GNA14: variants seen among roughly 807,000 people sequenced by gnomAD.
GNA14 encodes G protein subunit alpha 14.
In GNA14, 50 loss-of-function variants were observed where a neutral mutation model predicts 42.0. The observed-to-expected ratio is 1.19, with a 90% confidence interval of 0.95 to 1.51. GNA14 has a LOEUF of 1.51. Among genes scored for constraint, GNA14 ranks in the 40% most tolerant of loss-of-function variants. The probability of loss-of-function intolerance (pLI) is 0.00; values close to 1 mark genes in which losing one functional copy is unlikely to be tolerated. For missense variants in GNA14, 473 were observed against 446.2 expected (o/e 1.06, Z -0.54); for synonymous variants, 173 against 163.1 (o/e 1.06, Z -0.46).
At chr9:77,560,191 G>T (rs1432694071) in intron 1 of GNA14, among the ~76,000 whole-genome samples, 1 of 151,448 alleles carries the variant, frequency 6.6e-6, no homozygotes, top group African/African-American at 2.4e-5. Flanking sequence ...TATATTTAAG[G>T]AAAGTATATA....
intron 2 of GNA14, among the ~76,000 whole-genome samples, chr9:77,482,555 G>C (rs1836574649): frequency 6.6e-6 from 1 of 152,108 alleles, no homozygotes; most frequent in Non-Finnish European, 1.5e-5. Flanking sequence ...GTCTTGAAGA[G>C]TATCTTTGTG....
chr9:77,465,052 A>T (rs188701250), intron 2 of GNA14, among the ~76,000 whole-genome samples: 66 of 152,286 alleles, frequency 4.3e-4, no homozygotes, highest in African/African-American at 1.6e-3. Flanking sequence ...TGGAGGGAGG[A>T]TGGCTCTGCC....
At chr9:77,578,771 A>G (rs1156638948) in intron 1 of GNA14, among the ~76,000 whole-genome samples, 3 of 152,202 alleles carry the variant, frequency 2.0e-5, no homozygotes, top group Non-Finnish European at 4.4e-5. Flanking sequence ...TTTTGTCCCT[A>G]TGAAGAGGTA....
rs560660752 is a variant in GNA14, at chr9:77,521,511, G to C, written c.309+7558C>G. Among the ~76,000 whole-genome samples, 577 of 152,260 alleles carry C rather than the reference G, an allele frequency of 3.8e-3. 1 individual carries two copies. The highest frequency in any genetic ancestry group is 8.0e-3 in the African/African-American group (334 of 41,556). On this transcript the variant is annotated intron_variant, in intron 2 of 6. Coordinates refer to ENST00000341700, the MANE Select transcript of GNA14 (RefSeq NM_004297.4). The stretch of plus-strand genomic sequence containing the variant: ...TAACCATTTTCACTGAACTCTGACT[G>C]ATTTCTTCACAGGCATCCTTAAGAA...
Position 77,521,071 on chromosome 9 carries a change from A to G in GNA14, c.309+7998T>C, listed in dbSNP as rs181244071. On this transcript the variant is annotated intron_variant, in intron 2 of 6. Transcript: ENST00000341700. ...AAGCTCTGATTACAGCAGTTTTCAC[A>G]CTAAAGTAAACACTGATTAATCAGA... Among the ~76,000 whole-genome samples, 36 of 152,342 alleles carry G rather than the reference A, an allele frequency of 2.4e-4. No homozygotes were observed. The East Asian group carries it at 4.8e-3, about 20-fold the overall frequency.
chr9:77,622,519 A>G (rs1823942815), intron 1 of GNA14, among the ~76,000 whole-genome samples: 1 of 152,248 alleles, frequency 6.6e-6, no homozygotes, highest in African/African-American at 2.4e-5. Context: ...TTGTAATCCC[A>G]GCACTTTGGG....
At chr9:77,604,019 T>C (rs577912678) in intron 1 of GNA14, among the ~76,000 whole-genome samples, 22 of 148,534 alleles carry the variant, frequency 1.5e-4, no homozygotes, top group African/African-American at 5.0e-4. Flanking sequence ...CTATCACTCA[T>C]TGCAATTAAT....
intron 1 of GNA14, among the ~76,000 whole-genome samples, chr9:77,568,767 C>T (rs1564055762): frequency 6.6e-6 from 1 of 152,136 alleles, no homozygotes; most frequent in Non-Finnish European, 1.5e-5. Flanking sequence ...CTGGGTTAGT[C>T]CTGCTCATCA....
At chr9:77,565,491 T>A (rs1207982916) in intron 1 of GNA14, among the ~76,000 whole-genome samples, 5 of 152,230 alleles carry the variant, frequency 3.3e-5, no homozygotes, top group Non-Finnish European at 1.5e-5. Context: ...AGAGTCTCAC[T>A]CTGTTGCCCA....
chr9:77,646,281 CCTT>C (rs1824350339), intron 1 of GNA14, among the ~76,000 whole-genome samples: 1 of 152,230 alleles, frequency 6.6e-6, no homozygotes. Flanking sequence ...ATCAGGTCTG[CCTT>C]CTTTTCTAGG....
At chr9:77,458,870 C>T (rs1246757056) in intron 2 of GNA14, among the ~76,000 whole-genome samples, 3 of 147,044 alleles carry the variant, frequency 2.0e-5, no homozygotes, top group Non-Finnish European at 4.4e-5. Context: ...GTCCACCTCT[C>T]TGCAGAACCT....
rs551855593 is a variant in GNA14 at position 77,514,334 on chromosome 9, T to G, written c.309+14735A>C. On this transcript the variant is annotated intron_variant, in intron 2 of 6. Coordinates refer to ENST00000341700, the MANE Select transcript of GNA14 (RefSeq NM_004297.4). The stretch of plus-strand genomic sequence containing the variant: ...TTGTGGATACTACCACCTAGATGAA[T>G]CTCTCAGATACCTTTGGGTTCATAA... 2.6e-5 allele frequency among the ~76,000 whole-genome samples: 4 copies of G among 152,220 alleles called. No homozygotes were observed. The South Asian group carries it at 6.2e-4, about 24-fold the overall frequency.
rs140657939 is a variant in GNA14, at chr9:77,576,640, C to T, written c.125-47387G>A. Reference sequence around the variant, plus strand: ...TGTTTCCCACCTTTCCCTCCACATTCCTTACATCATTATCACAATTAAGTT... The same window carrying T: ...TGTTTCCCACCTTTCCCTCCACATTTCTTACATCATTATCACAATTAAGTT... On this transcript the variant is annotated intron_variant, in intron 1 of 6. Coordinates refer to ENST00000341700, the MANE Select transcript of GNA14 (RefSeq NM_004297.4). 1.5e-3 allele frequency among the ~76,000 whole-genome samples: 227 copies of T among 152,286 alleles called. 1 individual carries two copies. Among genetic ancestry groups the T allele is most frequent in the African/African-American group, 4.9e-3 (204 of 41,560 alleles).
At chr9:77,479,860 T>G (rs1836509982) in intron 2 of GNA14, among the ~76,000 whole-genome samples, 1 of 152,052 alleles carries the variant, frequency 6.6e-6, no homozygotes, top group Non-Finnish European at 1.5e-5. Flanking sequence ...TTGTCTGTTA[T>G]TGGTGTATAA....
At chr9:77,461,314 C>A (rs549938669) in intron 2 of GNA14, among the ~76,000 whole-genome samples, 1 of 152,194 alleles carries the variant, frequency 6.6e-6, no homozygotes, top group South Asian at 2.1e-4. Flanking sequence ...TCTGAAGCTG[C>A]GCCTTAGCAA....
At chr9:77,594,067 A>G (rs1203465560) in intron 1 of GNA14, among the ~76,000 whole-genome samples, 1 of 152,186 alleles carries the variant, frequency 6.6e-6, no homozygotes, top group Admixed American at 6.5e-5. Context: ...GATTCTCTGT[A>G]GCATAGGGGA....
At chr9:77,589,501 T>C (rs1823356923) in intron 1 of GNA14, among the ~76,000 whole-genome samples, 1 of 152,244 alleles carries the variant, frequency 6.6e-6, no homozygotes, top group Non-Finnish European at 1.5e-5. Flanking sequence ...ATATCACTTA[T>C]ATTTCATTCT....
At chr9:77,590,963 G>T (rs1823382275) in intron 1 of GNA14, among the ~76,000 whole-genome samples, 1 of 152,000 alleles carries the variant, frequency 6.6e-6, no homozygotes, top group Non-Finnish European at 1.5e-5. Flanking sequence ...GACCTCTTTT[G>T]GGGGGCAAAA....
chr9:77,561,986 CAAAA>C (rs1030241998), intron 1 of GNA14, among the ~76,000 whole-genome samples: 1 of 152,090 alleles, frequency 6.6e-6, no homozygotes, highest in East Asian at 1.9e-4. Flanking sequence ...GGATAAAGCC[CAAAA>C]AATCTACCAC....
Sources: allele counts gnomAD v4.1 joint callset (sites outside exome capture counted in the v4.1 genomes callset), GRCh38; gene constraint gnomAD v4.1.1; transcripts MANE v1.5; gene names NCBI Gene and HGNC (gene_info 2026-07-23, HGNC 2026-07-21).